MFHAS1: variants seen among roughly 807,000 people sequenced by gnomAD.
MFHAS1 encodes the protein malignant fibrous histiocytoma-amplified sequence 1.
Under a neutral mutation model 70.4 loss-of-function variants are expected in MFHAS1, and 50 were observed. The observed-to-expected ratio is 0.71, with a 90% confidence interval of 0.57 to 0.90. The LOEUF (loss-of-function observed/expected upper bound fraction) is 0.90, where lower values mean the gene tolerates loss of function less well. Among genes scored for constraint, MFHAS1 ranks in the 40% least tolerant of loss-of-function variants. The probability of loss-of-function intolerance (pLI) is 0.00; values close to 1 mark genes in which losing one functional copy is unlikely to be tolerated. For missense variants in MFHAS1, 1,795 were observed against 1,347.6 expected (o/e 1.33, Z -5.20); for synonymous variants, 952 against 620.0 (o/e 1.54, Z -7.96).
intron 1 of MFHAS1, among the ~76,000 whole-genome samples, chr8:8,824,043 A>G (rs28447349): frequency 0.1 from 15,754 of 150,520 alleles, 1,055 homozygotes; most frequent in African/African-American, 0.18. Context: ...CTACTTAGCA[A>G]AAACAGTTCC....
chr8:8,869,687 TTC>T (rs1379714708), intron 1 of MFHAS1, among the ~76,000 whole-genome samples: 2 of 152,180 alleles, frequency 1.3e-5, no homozygotes, highest in Non-Finnish European at 2.9e-5. Flanking sequence ...CACTTCCGCT[TTC>T]TGTTTTTTAA....
intron 1 of MFHAS1, among the ~76,000 whole-genome samples, chr8:8,814,058 C>A (rs1182128141): frequency 1.3e-5 from 2 of 152,012 alleles, no homozygotes; most frequent in African/African-American, 4.8e-5. Context: ...GTTCCCCAGC[C>A]TCCCAAGTAG....
At chr8:8,889,604 CG>C (rs1421664193) in intron 1 of MFHAS1, among the ~76,000 whole-genome samples, 1 of 152,182 alleles carries the variant, frequency 6.6e-6, no homozygotes, top group Non-Finnish European at 1.5e-5. Context: ...TATGTACTCA[CG>C]AAAATTTAAG....
In MFHAS1 at chr8:8,842,590, G is replaced by A. The variant is rs576965295; in HGVS notation, c.2999-45099C>T. On this transcript the variant is annotated intron_variant, in intron 1 of 2. Transcript: ENST00000276282. Reference sequence around the variant, plus strand: ...GTAAATCGCACTAGAAGCCTCATCCGTACAGCCTTGCTATCAAGTGTGGTC... The same window carrying A: ...GTAAATCGCACTAGAAGCCTCATCCATACAGCCTTGCTATCAAGTGTGGTC... Among the ~76,000 whole-genome samples, 11 of 152,202 alleles carry A rather than the reference G, an allele frequency of 7.2e-5. 1 individual carries two copies. In the East Asian group the frequency reaches 7.7e-4, roughly 11 times the overall value.
intron 1 of MFHAS1, among the ~76,000 whole-genome samples, chr8:8,881,898 G>T (rs1034363691): frequency 6.6e-6 from 1 of 151,938 alleles, no homozygotes; most frequent in Non-Finnish European, 1.5e-5. Flanking sequence ...TCAAGGCCAG[G>T]TGGTAGAAGG....
intron 1 of MFHAS1, among the ~76,000 whole-genome samples, chr8:8,863,320 A>G (rs1808736865): frequency 6.6e-6 from 1 of 152,194 alleles, no homozygotes; most frequent in African/African-American, 2.4e-5. Context: ...TTCACCCCCA[A>G]TGGATATATC....
intron 1 of MFHAS1, among the ~76,000 whole-genome samples, chr8:8,816,306 T>A (rs959296794): frequency 3.9e-5 from 6 of 152,236 alleles, no homozygotes; most frequent in Non-Finnish European, 2.9e-5. Flanking sequence ...GTGCAAGTTA[T>A]ATCTCAATTA....
intron 1 of MFHAS1, among the ~76,000 whole-genome samples, chr8:8,871,706 T>G (rs769529054): frequency 3.9e-5 from 6 of 152,220 alleles, no homozygotes; most frequent in Non-Finnish European, 7.3e-5. Flanking sequence ...GGAGGCCAAG[T>G]GGCTTCCCAG....
intron 1 of MFHAS1, among the ~76,000 whole-genome samples, chr8:8,818,952 G>T (rs927974654): frequency 3.9e-5 from 6 of 152,126 alleles, no homozygotes; most frequent in African/African-American, 1.4e-4. Context: ...CTGCTTCAAG[G>T]TATTTATTCT....
At chr8:8,850,663 T>A (rs1030060971) in intron 1 of MFHAS1, among the ~76,000 whole-genome samples, 2 of 152,096 alleles carry the variant, frequency 1.3e-5, no homozygotes, top group Non-Finnish European at 2.9e-5. Flanking sequence ...GGCAAAACCC[T>A]GTCTCTACTA....
At chr8:8,838,338 C>G (rs1292230408) in intron 1 of MFHAS1, among the ~76,000 whole-genome samples, 1 of 152,084 alleles carries the variant, frequency 6.6e-6, no homozygotes, top group Non-Finnish European at 1.5e-5. Flanking sequence ...TGGTAGATAC[C>G]TAAATCTGTC....
chr8:8,862,032 C>T (rs552584063), intron 1 of MFHAS1, among the ~76,000 whole-genome samples: 46 of 152,268 alleles, frequency 3.0e-4, no homozygotes, highest in African/African-American at 1.1e-3. Context: ...TTTCATTTCC[C>T]TTGGGTGAAT....
rs1810043460 is a variant in MFHAS1, at chr8:8,891,639, T to C, written c.1420A>G (p.Ile474Val). ...TCATCCCCAGCTAAGTCATACACGA[T>C]GAACCGCAGGCCCCGGGAGGCATCG... ...TADASRGLRF[I>V]VYDLAGDESY... is the part of the protein sequence containing the mutation. The change falls in exon 1 of 3, where the codon ATC (isoleucine) becomes GTC (valine). Residue 474 changes from isoleucine to valine, a missense_variant. Transcript: ENST00000276282. This position sits in a 1 kb window ranked among gnomAD's most constrained non-coding sequence, Gnocchi z 5.4. The C allele has an allele frequency of 1.2e-6, 2 of 1,613,618 alleles. No homozygotes were observed. The highest frequency in any genetic ancestry group is 1.7e-6 in the Non-Finnish European group (2 of 1,180,030).
intron 1 of MFHAS1, among the ~76,000 whole-genome samples, chr8:8,882,257 G>C (rs1055992664): frequency 6.6e-6 from 1 of 152,132 alleles, no homozygotes; most frequent in East Asian, 1.9e-4. Flanking sequence ...GGGGGTGGTG[G>C]TATGTGCCTG....
At chr8:8,849,120 G>A (rs1191428710) in intron 1 of MFHAS1, among the ~76,000 whole-genome samples, 1 of 115,036 alleles carries the variant, frequency 8.7e-6, no homozygotes, top group Non-Finnish European at 1.7e-5. Flanking sequence ...TAGCTCTGTT[G>A]CCCAGGCTGA....
At chr8:8,849,831 T>C (rs186520341) in intron 1 of MFHAS1, among the ~76,000 whole-genome samples, 207 of 152,376 alleles carry the variant, frequency 1.4e-3, no homozygotes, top group African/African-American at 4.8e-3. Flanking sequence ...AGACGGTTCA[T>C]GGCTCAAAGC....
intron 1 of MFHAS1, among the ~76,000 whole-genome samples, chr8:8,823,702 G>C (rs1807049897): frequency 6.7e-6 from 1 of 150,018 alleles, no homozygotes; most frequent in South Asian, 2.2e-4. Context: ...TTCAGTCTTT[G>C]ACACAGGTAA....
intron 1 of MFHAS1, among the ~76,000 whole-genome samples, chr8:8,814,537 G>C (rs1050044548): frequency 6.6e-6 from 1 of 152,116 alleles, no homozygotes; most frequent in African/African-American, 2.4e-5. Context: ...TTATTTAAAT[G>C]GTAAGCCTGT....
chr8:8,853,584 T>C (rs1267401295), intron 1 of MFHAS1, among the ~76,000 whole-genome samples: 1 of 151,914 alleles, frequency 6.6e-6, no homozygotes, highest in Non-Finnish European at 1.5e-5. Flanking sequence ...TATATATATT[T>C]GAGATGGAGT....
Sources: gnomAD v4.1 joint callset for allele counts (sites outside exome capture counted in the v4.1 genomes callset) on GRCh38, gnomAD v4.1.1 for gene constraint, Gnocchi (gnomAD v3.1) non-coding constraint, MANE v1.5 for transcripts, NCBI Gene and HGNC (gene_info 2026-07-23, HGNC 2026-07-21) for gene names.